Variants in RPN1 observed in about 807,000 individuals in gnomAD.
RPN1 encodes the protein ribophorin I, also known as dolichyl-diphosphooligosaccharide--protein glycosyltransferase subunit 1.
Under a neutral mutation model 55.5 loss-of-function variants are expected in RPN1, and 12 were observed. The ratio of observed to expected loss-of-function variants is 0.22; its 90% CI spans 0.14 to 0.35. The LOEUF (loss-of-function observed/expected upper bound fraction) is 0.35, where lower values mean the gene tolerates loss of function less well. Ranked by LOEUF, RPN1 falls within the 10% of genes least tolerant of loss-of-function variation. The probability of loss-of-function intolerance (pLI) is 1.00; values close to 1 mark genes in which losing one functional copy is unlikely to be tolerated. For missense variants in RPN1, 679 were observed against 761.3 expected (o/e 0.89, Z 1.27); for synonymous variants, 317 against 305.9 (o/e 1.04, Z -0.38).
chr3:128,650,602 T>C lies in RPN1; in HGVS notation c.199A>G (p.Thr67Ala), dbSNP rs1047995254. The C allele has an allele frequency of 7.1e-6, 11 of 1,549,164 alleles. No homozygotes were observed. The highest frequency in any genetic ancestry group is 1.4e-5 in the African/African-American group (1 of 72,854). The change falls in exon 1 of 10, where the codon ACC becomes GCC. Residue 67 changes from threonine (T) to alanine (A), a missense_variant. By Grantham distance (58) the Thr-to-Ala change is moderately conservative. This residue lies in a region of RPN1 where 352 missense variants were observed against 352.8 expected (regional missense o/e 1.00). Transcript: ENST00000296255. ...HLGGGSTSRA[T>A]SFLLALEPEL... Reference sequence around the variant, plus strand: ...GGCTCCAAAGCCAGCAGGAAAGAGGTAGCTCGGGACGTGGAGCCGCCGCCC... The same window carrying C: ...GGCTCCAAAGCCAGCAGGAAAGAGGCAGCTCGGGACGTGGAGCCGCCGCCC...
At chr3:128,627,144 G>A (rs1378672782) in intron 5 of RPN1, 2 of 345,382 alleles carry the variant, frequency 5.8e-6, no homozygotes, top group Non-Finnish European at 1.1e-5. Context: ...ACACACAACC[G>A]GGATTCCCTA....
intron 2 of RPN1, among the ~76,000 whole-genome samples, chr3:128,638,578 C>T (rs2107719123): frequency 6.6e-6 from 1 of 152,230 alleles, no homozygotes; most frequent in Non-Finnish European, 1.5e-5. Context: ...CTCCCAGGTT[C>T]AAGAGATTCT....
chr3:128,635,642 T>TATATATATATATATATATATATAG (rs2069674138), intron 3 of RPN1, among the ~76,000 whole-genome samples: 2 of 8,058 alleles, frequency 2.5e-4, no homozygotes, highest in South Asian at 8.3e-3. Context: ...TATATATAGA[T>TATATATATATATATATATATATAG]ATATATATAT....
At chr3:128,644,525 TG>T in intron 2 of RPN1, 1 of 401,838 alleles carries the variant, frequency 2.5e-6, no homozygotes, top group Non-Finnish European at 4.8e-6. Flanking sequence ...CCAAGTGTGG[TG>T]GTACATACCT....
rs1175896293 is a variant in RPN1, at chr3:128,650,804, C to G, written c.-4G>C. The G allele has an allele frequency of 3.9e-6, 6 of 1,519,382 alleles. No individual in the cohort carries two copies. The highest frequency in any genetic ancestry group is 2.5e-5 in the East Asian group (1 of 40,332). The allele number at this position is 1,519,382 out of a possible 1,614,324, so 94.1% of individuals were successfully genotyped here. ...AGCCGGCGGCTGGCGCCTCCATGACCGGGAAGAGCAGTGCGCCAGGGCGGG... is the reference window on the plus strand; with the variant it reads ...AGCCGGCGGCTGGCGCCTCCATGACGGGGAAGAGCAGTGCGCCAGGGCGGG... On this transcript the variant is annotated 5_prime_UTR_variant, in exon 1 of 10. Transcript: ENST00000296255.
intron 3 of RPN1, among the ~76,000 whole-genome samples, chr3:128,634,293 A>G (rs1242843438): frequency 6.6e-6 from 1 of 151,258 alleles, no homozygotes; most frequent in Non-Finnish European, 1.5e-5. Context: ...GCACCACTAC[A>G]CTCCAGCCTG....
chr3:128,634,050 G>A (rs2069660273), intron 3 of RPN1, among the ~76,000 whole-genome samples: 2 of 151,696 alleles, frequency 1.3e-5, no homozygotes, highest in South Asian at 4.2e-4. Flanking sequence ...GGCCAGCCGG[G>A]CACAGTGGCT....
intron 4 of RPN1, among the ~76,000 whole-genome samples, chr3:128,630,399 T>C (rs111445155): frequency 1.3e-4 from 20 of 152,330 alleles, no homozygotes; most frequent in East Asian, 7.7e-4. Context: ...TTTGTGAACA[T>C]TGAAGACTTA....
intron 5 of RPN1, 55 bp from the exon 6 acceptor site, chr3:128,626,887 G>A (rs2069603424): frequency 6.6e-7 from 1 of 1,518,126 alleles, no homozygotes. Flanking sequence ...AAATGGGCAG[G>A]AGAGAAAGAA....
chr3:128,644,586 G>T (rs2069752194), intron 2 of RPN1: 1 of 499,926 alleles, frequency 2.0e-6, no homozygotes, highest in Non-Finnish European at 3.9e-6. Flanking sequence ...TTTGAGCCCT[G>T]GAGGTGGAGG....
intron 1 of RPN1, among the ~76,000 whole-genome samples, chr3:128,647,360 A>C (rs1450585756): frequency 1.3e-5 from 2 of 152,186 alleles, no homozygotes; most frequent in African/African-American, 4.8e-5. Flanking sequence ...AGTCTAATAC[A>C]AACAAGTTTC....
intron 8 of RPN1, among the ~76,000 whole-genome samples, chr3:128,624,005 GCACA>G (rs74281186): frequency 8.8e-5 from 13 of 148,014 alleles, no homozygotes; most frequent in East Asian, 2.0e-4. Flanking sequence ...ACACACACAC[GCACA>G]CACACACACA....
intron 7 of RPN1, 57 bp from the exon 8 acceptor site, chr3:128,625,710 C>T (rs946220292): frequency 2.4e-5 from 39 of 1,609,938 alleles, no homozygotes; most frequent in Non-Finnish European, 3.3e-5. Context: ...GGAGCCTAGA[C>T]TCACCCAGGC....
intron 3 of RPN1, among the ~76,000 whole-genome samples, chr3:128,637,592 C>T (rs2069690052): frequency 6.6e-6 from 1 of 152,120 alleles, no homozygotes; most frequent in East Asian, 1.9e-4. Context: ...TCTCCAAATG[C>T]TACCCCTAGC....
chr3:128,625,579 G>A lies in RPN1; in HGVS notation c.1350C>T (p.Phe450=), dbSNP rs377625300. 1.2e-6 allele frequency: 2 copies of A among 1,614,120 alleles called. No homozygotes were observed. The highest frequency in any genetic ancestry group is 2.2e-5 in the South Asian group (2 of 91,080). Residue 450 remains phenylalanine, a synonymous_variant, in exon 8 of 10, where the codon TTC becomes TTT. Coordinates refer to ENST00000296255, the MANE Select transcript of RPN1 (RefSeq NM_002950.4). ...GCCGAACATAGATGATAACGGTGAA[G>A]AACAGGATGTAGAAGGCCGCCACCA... The part of the protein sequence containing the change: ...LLVVAAFYIL[F]FTVIIYVRLD...
Position 128,644,924 on chromosome 3 carries a change from AC to A in RPN1, c.320del (p.Gly107ValfsTer69). 1.3e-6 allele frequency: 2 copies of A among 1,529,972 alleles called. No homozygotes were observed. Among genetic ancestry groups the A allele is most frequent in the Non-Finnish European group, 1.8e-6 (2 of 1,103,442 alleles). The allele number at this position is 1,529,972 out of a possible 1,614,324, so 94.8% of individuals were successfully genotyped here. A position where few individuals can be genotyped will look rare whatever the true frequency, so the allele number is the denominator to read the frequency against. On this transcript the variant is annotated frameshift_variant, in exon 2 of 10. Coordinates refer to ENST00000296255, the MANE Select transcript of RPN1 (RefSeq NM_002950.4). LOFTEE classifies it high-confidence loss of function. ...NLEVRETKIK[G>X]KSGRFFTVKL... ...TATATTGTTTGTCAGCTTACCTTTT[AC>A]CCTTAATTTTGGTTTCACGTACTTC...
chr3:128,650,261 G>A (rs9813197), intron 1 of RPN1, among the ~76,000 whole-genome samples: 52,906 of 152,068 alleles, frequency 0.35, 9,392 homozygotes, highest in Middle Eastern at 0.42. Context: ...CCCAGCAGCT[G>A]CCCACGTGAG....
At chr3:128,637,606 T>C (rs1389925743) in intron 3 of RPN1, among the ~76,000 whole-genome samples, 193 bp downstream of exon 3, 1 of 152,174 alleles carries the variant, frequency 6.6e-6, no homozygotes, top group Non-Finnish European at 1.5e-5. Flanking sequence ...CCCTAGCCTC[T>C]ACCTGTGATC....
intron 3 of RPN1, among the ~76,000 whole-genome samples, chr3:128,635,659 ATATATAGATATC>A (rs1343174903): frequency 2.6e-5 from 3 of 113,408 alleles, no homozygotes; most frequent in Admixed American, 9.4e-5. Flanking sequence ...ATATATATAT[ATATATAGATATC>A]TATAGATATC....
Sources: allele counts gnomAD v4.1 joint callset (sites outside exome capture counted in the v4.1 genomes callset), GRCh38; gene constraint gnomAD v4.1.1; regional missense constraint gnomAD v4.1.1; transcripts MANE v1.5; gene names NCBI Gene and HGNC (gene_info 2026-07-23, HGNC 2026-07-21).